ZNF536: variants seen among roughly 807,000 people sequenced by gnomAD.
ZNF536 encodes zinc finger protein 536.
ZNF536 carries 13 observed loss-of-function variants against 84.5 expected under a neutral mutation model. The observed-to-expected ratio is 0.15, with a 90% CI of 0.10 to 0.24. The LOEUF (loss-of-function observed/expected upper bound fraction) is 0.24, where lower values mean the gene tolerates loss of function less well. ZNF536 is among the 10% of genes least tolerant of loss of function. The pLI is 1.00. For synonymous variants in ZNF536, 811 were observed against 742.5 expected, an observed-to-expected ratio of 1.09 and a Z score of -1.50; for missense variants, 1,536 against 1,747.5, an observed-to-expected ratio of 0.88 and a Z score of 2.16.
At chr19:30,484,913 G>C (rs1029397365) in intron 2 of ZNF536, among the ~76,000 whole-genome samples, 1 of 152,044 alleles carries the variant, frequency 6.6e-6, no homozygotes, top group Non-Finnish European at 1.5e-5. Context: ...GGAGGCCGAG[G>C]AGGGTGGATC....
chr19:30,688,558 T>A (rs536455115), intron 1 of ZNF536, among the ~76,000 whole-genome samples: 1 of 152,368 alleles, frequency 6.6e-6, no homozygotes, highest in East Asian at 1.9e-4. Flanking sequence ...TTGGCACTTT[T>A]ATATATTCCG....
At chr19:30,454,843 G>A (rs1343456283) in intron 2 of ZNF536, among the ~76,000 whole-genome samples, 3 of 152,192 alleles carry the variant, frequency 2.0e-5, no homozygotes, top group East Asian at 1.9e-4. Flanking sequence ...GACCAGCCTG[G>A]CCAACATGGC....
intron 1 of ZNF536, among the ~76,000 whole-genome samples, chr19:30,642,540 G>A (rs576474894): frequency 5.3e-5 from 8 of 152,322 alleles, no homozygotes; most frequent in Non-Finnish European, 1.0e-4. Flanking sequence ...TGGCTGATTA[G>A]AAGGTAGAAG....
rs559750469 is a variant in ZNF536, at chr19:30,524,629, A to T, written c.2171-10218A>T. On this transcript the variant is annotated intron_variant, in intron 2 of 4. Transcript: ENST00000355537. ...GTGACTGACCAAATACATTTTAAAAAAGATTGGTCCAGTTTGTTCCTGGTG... is the reference window on the plus strand; with the variant it reads ...GTGACTGACCAAATACATTTTAAAATAGATTGGTCCAGTTTGTTCCTGGTG... Among the ~76,000 whole-genome samples, 18 of 152,330 alleles carry T rather than the reference A, an allele frequency of 1.2e-4. No homozygotes were observed. The East Asian group carries it at 2.5e-3, about 21-fold the overall frequency.
At chr19:30,399,665 A>T (rs1166726656) in intron 1 of ZNF536, among the ~76,000 whole-genome samples, 2 of 143,596 alleles carry the variant, frequency 1.4e-5, no homozygotes, top group Non-Finnish European at 3.0e-5. Context: ...AACACCATTT[A>T]TTAAATAAGA....
intron 1 of ZNF536, among the ~76,000 whole-genome samples, chr19:30,585,068 C>A (rs1161206020): frequency 2.0e-5 from 3 of 151,208 alleles, no homozygotes; most frequent in Non-Finnish European, 4.4e-5. Context: ...ATTCAGTGGC[C>A]ATGATTGTGC....
intron 2 of ZNF536, among the ~76,000 whole-genome samples, chr19:30,474,677 G>T (rs1202406753): frequency 2.0e-5 from 3 of 152,112 alleles, no homozygotes; most frequent in African/African-American, 7.2e-5. Flanking sequence ...ATTAATTAAG[G>T]TTGATATTTA....
chr19:30,290,345 A>G (rs1423942246), intron 2 of ZNF536, among the ~76,000 whole-genome samples: 1 of 152,148 alleles, frequency 6.6e-6, no homozygotes, highest in African/African-American at 2.4e-5. Flanking sequence ...TGGCATGATC[A>G]TAGCTCACTG....
intron 1 of ZNF536, among the ~76,000 whole-genome samples, chr19:30,572,601 G>A (rs1159167606): frequency 1.3e-5 from 2 of 152,232 alleles, no homozygotes; most frequent in Non-Finnish European, 2.9e-5. Context: ...TTTAGCACAT[G>A]TGGCATTCTT....
intron 1 of ZNF536, among the ~76,000 whole-genome samples, chr19:30,597,105 A>T (rs1479130504): frequency 2.0e-5 from 3 of 152,218 alleles, no homozygotes; most frequent in African/African-American, 4.8e-5. Context: ...CTAGGCATTT[A>T]GTCTTGAAAG....
chr19:30,284,625 G>C (rs1301724351), intron 2 of ZNF536, among the ~76,000 whole-genome samples: 3 of 152,208 alleles, frequency 2.0e-5, no homozygotes, highest in African/African-American at 7.2e-5. Context: ...ACTCCTGACG[G>C]GGTGTATTTC....
chr19:30,481,543 G>C (rs532522383), intron 2 of ZNF536, among the ~76,000 whole-genome samples: 1 of 152,300 alleles, frequency 6.6e-6, no homozygotes, highest in Non-Finnish European at 1.5e-5. Flanking sequence ...ACATTGGTTC[G>C]TGATGAATTA....
At chr19:30,595,321 T>C (rs1221642588) in intron 1 of ZNF536, among the ~76,000 whole-genome samples, 2 of 152,100 alleles carry the variant, frequency 1.3e-5, no homozygotes, top group South Asian at 4.1e-4. Context: ...AGAGTCTCTC[T>C]CTCTTGCCCA....
intron 2 of ZNF536, among the ~76,000 whole-genome samples, chr19:30,496,972 G>A (rs2054746311): frequency 6.6e-6 from 1 of 152,206 alleles, no homozygotes; most frequent in South Asian, 2.1e-4. Flanking sequence ...CAGAGAAAGG[G>A]GCTGGGAGCC....
In ZNF536 at chr19:30,544,886, C is replaced by T. The variant is rs1195567085; in HGVS notation, c.2324-3057C>T. Among the ~76,000 whole-genome samples the T allele has an allele frequency of 2.0e-5, 3 of 152,200 alleles. No individual in the cohort carries two copies. The South Asian group carries it at 6.2e-4, about 32-fold the overall frequency. On this transcript the variant is annotated intron_variant, in intron 3 of 4. Transcript: ENST00000355537. Reference sequence around the variant, plus strand: ...TTACAGGTTGAGGAAGAAAAAGTCCCAAGACCAGGATTCTGTGTCCAGTGG... The same window carrying T: ...TTACAGGTTGAGGAAGAAAAAGTCCTAAGACCAGGATTCTGTGTCCAGTGG...
intron 2 of ZNF536, among the ~76,000 whole-genome samples, chr19:30,498,817 G>C (rs1251257312): frequency 6.6e-6 from 1 of 152,040 alleles, no homozygotes; most frequent in Non-Finnish European, 1.5e-5. Flanking sequence ...TTTTGGGTCA[G>C]TCACTCCTAG....
At chr19:30,685,707 A>C (rs2051150456) in intron 1 of ZNF536, among the ~76,000 whole-genome samples, 1 of 152,174 alleles carries the variant, frequency 6.6e-6, no homozygotes, top group African/African-American at 2.4e-5. Flanking sequence ...ATATTAAAGA[A>C]ATGGCCCCGT....
chr19:30,443,422 T>A, intron 1 of ZNF536, 139 bp from the exon 2 acceptor site: 1 of 1,289,664 alleles, frequency 7.8e-7, no homozygotes, highest in Non-Finnish European at 1.0e-6. Flanking sequence ...ATTTTTTTAT[T>A]ATTGTTTTTG....
At chr19:30,502,698 C>G (rs532615148) in intron 2 of ZNF536, among the ~76,000 whole-genome samples, 44 of 152,116 alleles carry the variant, frequency 2.9e-4, no homozygotes, top group Non-Finnish European at 6.0e-4. Context: ...TATTGCCCCT[C>G]CAGCAAACTA....
Sources: gnomAD v4.1 joint callset for allele counts (sites outside exome capture counted in the v4.1 genomes callset) on GRCh38, gnomAD v4.1.1 for gene constraint, MANE v1.5 for transcripts, NCBI Gene and HGNC (gene_info 2026-07-23, HGNC 2026-07-21) for gene names.